Variants in EYA2 observed in about 807,000 individuals in gnomAD.
EYA2 encodes protein phosphatase EYA2.
A neutral mutation model predicts 69.2 loss-of-function variants in EYA2; 31 were observed. The observed-to-expected ratio is 0.45, with a 90% CI of 0.34 to 0.60. The LOEUF (loss-of-function observed/expected upper bound fraction) is 0.60, where lower values mean the gene tolerates loss of function less well. Among genes scored for constraint, EYA2 ranks in the 20% least tolerant of loss-of-function variants. The probability of loss-of-function intolerance (pLI) is 0.02; values close to 1 mark genes in which losing one functional copy is unlikely to be tolerated. For missense variants in EYA2, 622 were observed against 701.2 expected (o/e 0.89, Z 1.28); for synonymous variants, 257 against 279.4 (o/e 0.92, Z 0.80).
At chr20:46,961,584 G>A (rs1031059264) in intron 1 of EYA2, among the ~76,000 whole-genome samples, 1 of 152,140 alleles carries the variant, frequency 6.6e-6, no homozygotes. Flanking sequence ...TCATTGCAAC[G>A]CTATTCACAA....
At chr20:46,935,054 C>G (rs1015513556) in intron 1 of EYA2, among the ~76,000 whole-genome samples, 2 of 152,186 alleles carry the variant, frequency 1.3e-5, no homozygotes, top group Non-Finnish European at 2.9e-5. Context: ...GACGCTGAGT[C>G]TGGAGGCAGG....
At chr20:46,932,937 C>A (rs1459290798) in intron 1 of EYA2, among the ~76,000 whole-genome samples, 2 of 152,088 alleles carry the variant, frequency 1.3e-5, no homozygotes, top group African/African-American at 4.8e-5. Flanking sequence ...ACGACCACCC[C>A]CTCTCTGTCC....
At position 47,180,868 on chromosome 20, in the gene EYA2, C is replaced by G; in HGVS notation, c.1367C>G (p.Ala456Gly). 1 of 1,614,220 alleles carries G rather than the reference C, an allele frequency of 6.2e-7. No individual in the cohort carries two copies. The highest frequency in any genetic ancestry group is 8.5e-7 in the Non-Finnish European group (1 of 1,180,048). Reference sequence around the variant, plus strand: ...ACCACTCAACTAATTCCTGCCCTGGCCAAAGTCCTGCTATATGGCCTGGGG... The same window carrying G: ...ACCACTCAACTAATTCCTGCCCTGGGCAAAGTCCTGCTATATGGCCTGGGG... ...VTTTQLIPAL[A>G]KVLLYGLGSV... Residue 456 changes from alanine to glycine, a missense_variant, in exon 14 of 16, where the codon GCC (alanine) becomes GGC (glycine). Physicochemically the swap from Ala to Gly is moderately conservative, Grantham distance 60. Around this residue, in one of 2 missense-constraint regions of EYA2, gnomAD observed 257 missense variants for 351.5 expected, o/e 0.73. Coordinates refer to ENST00000327619, the MANE Select transcript of EYA2 (RefSeq NM_005244.5).
At chr20:47,045,572 G>A (rs892235643) in intron 5 of EYA2, among the ~76,000 whole-genome samples, 7 of 152,212 alleles carry the variant, frequency 4.6e-5, no homozygotes, top group Non-Finnish European at 8.8e-5. Flanking sequence ...AGTTTCTAGA[G>A]TAACTGGAGC....
At chr20:47,096,325 C>T (rs928455224) in intron 8 of EYA2, among the ~76,000 whole-genome samples, 9 of 152,158 alleles carry the variant, frequency 5.9e-5, no homozygotes, top group African/African-American at 2.2e-4. Context: ...TTAAAATTGA[C>T]ATAGGCAGAG....
chr20:47,030,145 T>C (rs1984323186), intron 5 of EYA2, among the ~76,000 whole-genome samples: 2 of 152,218 alleles, frequency 1.3e-5, no homozygotes, highest in Admixed American at 1.3e-4. Context: ...GGTCATATTA[T>C]TAAAACCAGA....
chr20:47,002,373 C>T (rs1982436297), intron 3 of EYA2, among the ~76,000 whole-genome samples: 1 of 152,142 alleles, frequency 6.6e-6, no homozygotes. Flanking sequence ...CCTTCCCTAA[C>T]AGGCCACAGT....
intron 5 of EYA2, chr20:47,071,860 C>T: frequency 7.5e-6 from 2 of 266,544 alleles, no homozygotes; most frequent in Non-Finnish European, 1.5e-5. Context: ...GTCTGGGCCG[C>T]CAACATGCCA....
intron 14 of EYA2, 106 bp downstream of exon 14, chr20:47,181,042 G>A (rs2034528321): frequency 6.8e-7 from 1 of 1,462,506 alleles, no homozygotes; most frequent in Non-Finnish European, 9.2e-7. Flanking sequence ...AGAAATGGAT[G>A]GAGTGTGCCT....
At chr20:47,068,686 C>G (rs959290142) in intron 5 of EYA2, among the ~76,000 whole-genome samples, 18 of 152,116 alleles carry the variant, frequency 1.2e-4, no homozygotes, top group African/African-American at 4.1e-4. Flanking sequence ...GGTTGAGATC[C>G]TATGGTTCTG....
intron 1 of EYA2, among the ~76,000 whole-genome samples, chr20:46,924,483 A>T (rs1321844101): frequency 6.6e-6 from 1 of 152,142 alleles, no homozygotes; most frequent in Non-Finnish European, 1.5e-5. Flanking sequence ...ATCCTGGCTA[A>T]CACGGTGAAA....
intron 5 of EYA2, among the ~76,000 whole-genome samples, chr20:47,031,712 A>T (rs1186403075): frequency 6.6e-6 from 1 of 151,962 alleles, no homozygotes; most frequent in East Asian, 1.9e-4. Context: ...TTTATTTCTG[A>T]CGTTTCGATG....
intron 10 of EYA2, among the ~76,000 whole-genome samples, chr20:47,168,201 G>GTTT (rs34733467): frequency 0.01 from 1,527 of 150,828 alleles, 20 homozygotes; most frequent in African/African-American, 0.035. Flanking sequence ...TTGTTTTTTT[G>GTTT]TTTTTTTTGA....
chr20:47,021,012 T>G (rs1983713885), intron 5 of EYA2, among the ~76,000 whole-genome samples: 1 of 152,200 alleles, frequency 6.6e-6, no homozygotes, highest in South Asian at 2.1e-4. Flanking sequence ...TCCAGTTTCC[T>G]TCCCTATGAA....
At chr20:47,156,174 ATATATATATATT>A (rs2033945114) in intron 10 of EYA2, among the ~76,000 whole-genome samples, 3 of 83,186 alleles carry the variant, frequency 3.6e-5, no homozygotes, top group African/African-American at 1.2e-4. Flanking sequence ...ATATATATAT[ATATATATATATT>A]AGCCGGGCAT....
chr20:47,125,055 T>G (rs1473554219), intron 9 of EYA2, among the ~76,000 whole-genome samples: 1 of 130,222 alleles, frequency 7.7e-6, no homozygotes, highest in Non-Finnish European at 1.5e-5. Context: ...AAGTTTTTTT[T>G]TTTTTTTTTT....
rs893296968 is a variant in EYA2 at position 47,097,240 on chromosome 20, A to T, written c.888+72A>T. 4.8e-6 allele frequency: 6 copies of T among 1,250,010 alleles called. No individual in the cohort carries two copies. In the African/African-American group the frequency reaches 9.1e-5, roughly 19 times the overall value. The allele number at this position is 1,250,010 out of a possible 1,614,324, so 77.4% of individuals were successfully genotyped here. ...TATTGTCCAGCCAGTTTGTCCTGGA[A>T]ATTGTGCGGACAGTTTATGAGGCAG... On this transcript the variant is annotated intron_variant, in intron 9 of 15. Transcript: ENST00000327619.
Position 47,016,246 on chromosome 20 carries a change from A to G in EYA2, c.364A>G (p.Ser122Gly), listed in dbSNP as rs201099338. The G allele has an allele frequency of 2.5e-6, 4 of 1,614,164 alleles. No individual in the cohort carries two copies. Among genetic ancestry groups the G allele is most frequent in the South Asian group, 2.2e-5 (2 of 91,082 alleles). ...GQSGFLSYGS[S>G]FSTSPTGQSP... ...GAGTGGATTCCTCAGCTATGGCTCC[A>G]GCTTCAGCACCTCACCCACTGGACA... The change falls in exon 5 of 16, where the codon AGC becomes GGC. Residue 122 changes from serine (S) to glycine (G), a missense_variant. Ser to Gly is a moderately conservative substitution (Grantham distance 56). This residue lies in a region of EYA2 where 365 missense variants were observed against 349.7 expected (regional missense o/e 1.04). Transcript: ENST00000327619.
At chr20:47,034,453 A>G (rs1213362597) in intron 5 of EYA2, among the ~76,000 whole-genome samples, 3 of 152,210 alleles carry the variant, frequency 2.0e-5, no homozygotes, top group Non-Finnish European at 2.9e-5. Flanking sequence ...TAGAGTCTGG[A>G]TGCAGGAATC....
Sources: allele counts gnomAD v4.1 joint callset (sites outside exome capture counted in the v4.1 genomes callset), GRCh38; gene constraint gnomAD v4.1.1; regional missense constraint gnomAD v4.1.1; transcripts MANE v1.5; gene names NCBI Gene and HGNC (gene_info 2026-07-23, HGNC 2026-07-21).